TNKS: variants seen among roughly 807,000 people sequenced by gnomAD.
The protein encoded by TNKS is tankyrase, also known as poly [ADP-ribose] polymerase tankyrase-1.
In TNKS, 72 loss-of-function variants were observed where a neutral mutation model predicts 135.8. The ratio of observed to expected loss-of-function variants is 0.53; its 90% confidence interval spans 0.44 to 0.64. The LOEUF is 0.64. Ranked by LOEUF, TNKS falls within the 30% of genes least tolerant of loss-of-function variation. TNKS has a pLI of 0.00. For synonymous variants in TNKS, 849 were observed against 649.3 expected (o/e 1.31, Z -4.68); for missense variants, 1,769 against 1,674.0 (o/e 1.06, Z -0.99).
At chr8:9,653,635 C>T (rs1205926108) in intron 3 of TNKS, among the ~76,000 whole-genome samples, 1 of 152,040 alleles carries the variant, frequency 6.6e-6, no homozygotes, top group Non-Finnish European at 1.5e-5. Context: ...ACTTCTACTC[C>T]AATGAGAAAG....
chr8:9,717,806 G>A (rs1273452529), intron 11 of TNKS, among the ~76,000 whole-genome samples: 3 of 152,106 alleles, frequency 2.0e-5, no homozygotes, highest in African/African-American at 4.8e-5. Context: ...GAGAAGTATA[G>A]ATTGATTTAT....
chr8:9,665,008 T>A (rs577923317), intron 3 of TNKS, among the ~76,000 whole-genome samples: 3 of 152,392 alleles, frequency 2.0e-5, no homozygotes, highest in Admixed American at 2.0e-4. Context: ...AACTACATCG[T>A]ATAAGGATGT....
intron 11 of TNKS, among the ~76,000 whole-genome samples, chr8:9,716,448 A>G (rs946838473): frequency 6.6e-6 from 1 of 152,174 alleles, no homozygotes; most frequent in East Asian, 1.9e-4. Context: ...CTCAGTAACA[A>G]ACCAACTCAA....
At chr8:9,566,970 G>C (rs1308960914) in intron 1 of TNKS, among the ~76,000 whole-genome samples, 1 of 152,204 alleles carries the variant, frequency 6.6e-6, no homozygotes, top group African/African-American at 2.4e-5. Context: ...AATGGTGCCA[G>C]ATTTAAACCC....
At chr8:9,649,877 T>C (rs1191936917) in intron 3 of TNKS, among the ~76,000 whole-genome samples, 2 of 109,182 alleles carry the variant, frequency 1.8e-5, no homozygotes, top group East Asian at 5.7e-4. Flanking sequence ...TCTTTTCTTT[T>C]CTTTTTTTTT....
chr8:9,677,435 T>A (rs911700763), intron 3 of TNKS, among the ~76,000 whole-genome samples: 1 of 152,220 alleles, frequency 6.6e-6, no homozygotes. Context: ...TTGAGGTTCC[T>A]AAATACTTTG....
intron 3 of TNKS, among the ~76,000 whole-genome samples, chr8:9,648,971 T>G (rs567857614): frequency 8.5e-4 from 129 of 151,916 alleles, no homozygotes; most frequent in Non-Finnish European, 2.2e-4. Flanking sequence ...TGGGATAGGT[T>G]TAGGGTATAG....
At chr8:9,769,258 T>C (rs139384434) in intron 25 of TNKS, among the ~76,000 whole-genome samples, 1 of 152,236 alleles carries the variant, frequency 6.6e-6, no homozygotes, top group Non-Finnish European at 1.5e-5. Context: ...GATTGAGCCA[T>C]GGGCTATAGC....
At chr8:9,598,755 ATG>A (rs1220199241) in intron 2 of TNKS, among the ~76,000 whole-genome samples, 24 of 71,424 alleles carry the variant, frequency 3.4e-4, no homozygotes, top group South Asian at 2.0e-3. Context: ...ATATATGTAT[ATG>A]TGTGTGTGTA....
In TNKS at chr8:9,576,367, G is replaced by T. The variant is rs185093922; in HGVS notation, c.674-3792G>T. The stretch of plus-strand genomic sequence containing the variant: ...GTACAGGAAACATGGGTGGGAGGAG[G>T]CCTCAGGATATTTACAATCATGGCA... On this transcript the variant is annotated intron_variant, in intron 1 of 26. Coordinates refer to ENST00000310430, the MANE Select transcript of TNKS (RefSeq NM_003747.3). Among the ~76,000 whole-genome samples the T allele has an allele frequency of 2.9e-3, 445 of 152,146 alleles. 2 individuals carry two copies. The highest frequency in any genetic ancestry group is 6.8e-3 in the Middle Eastern group (2 of 294).
At chr8:9,665,958 C>T (rs1024184616) in intron 3 of TNKS, among the ~76,000 whole-genome samples, 1 of 152,128 alleles carries the variant, frequency 6.6e-6, no homozygotes, top group Non-Finnish European at 1.5e-5. Flanking sequence ...CTTCTCTCTT[C>T]TTCCTCCCCT....
intron 3 of TNKS, among the ~76,000 whole-genome samples, chr8:9,653,706 A>G (rs895725839): frequency 5.3e-5 from 8 of 152,156 alleles, no homozygotes; most frequent in Non-Finnish European, 1.0e-4. Context: ...GCATCATTAT[A>G]TTGCCAACTA....
intron 11 of TNKS, among the ~76,000 whole-genome samples, chr8:9,717,554 C>T (rs1804671290): frequency 6.6e-6 from 1 of 152,078 alleles, no homozygotes; most frequent in Admixed American, 6.6e-5. Context: ...GTTCAATATA[C>T]AGAACAGTAT....
chr8:9,767,937 C>G (rs1303136275), intron 25 of TNKS, among the ~76,000 whole-genome samples: 2 of 136,040 alleles, frequency 1.5e-5, no homozygotes, highest in Non-Finnish European at 1.5e-5. Context: ...CCAGCCTGGG[C>G]GACAGAGAGA....
At chr8:9,732,633 T>G (rs1325408809) in intron 14 of TNKS, among the ~76,000 whole-genome samples, 1 of 152,082 alleles carries the variant, frequency 6.6e-6, no homozygotes, top group East Asian at 1.9e-4. Context: ...TGTGTTAACT[T>G]CAACATTTTA....
At chr8:9,763,626 A>T (rs762608975) in intron 22 of TNKS, among the ~76,000 whole-genome samples, 5 of 152,204 alleles carry the variant, frequency 3.3e-5, no homozygotes, top group Non-Finnish European at 7.3e-5. Flanking sequence ...TTATGCAGTT[A>T]TAAATGTGAC....
rs1260404705 is a variant in TNKS at position 9,680,756 on chromosome 8, C to G, written c.1063C>G (p.Leu355Val). The G allele has an allele frequency of 6.2e-7, 1 of 1,612,242 alleles. No individual in the cohort carries two copies. Among genetic ancestry groups the G allele is most frequent in the Non-Finnish European group, 8.5e-7 (1 of 1,178,956 alleles). ...TAATGAAGAAAAACTAATGGCTTTA[C>G]TGACTCCTCTAAATGTGAATTGCCA... ...SGNEEKLMAL[L>V]TPLNVNCHAS... is the part of the protein sequence containing the mutation. The change falls in exon 5 of 27, where the codon CTG becomes GTG. Residue 355 changes from leucine (L) to valine (V), a missense_variant. Leu to Val is a conservative substitution (Grantham distance 32). Coordinates refer to ENST00000310430, the MANE Select transcript of TNKS (RefSeq NM_003747.3).
At chr8:9,708,549 A>G in intron 9 of TNKS, 57 bp downstream of exon 9, 1 of 1,376,562 alleles carries the variant, frequency 7.3e-7, no homozygotes, top group Non-Finnish European at 9.5e-7. Context: ...TAAGCACAAA[A>G]TATGATTTTC....
chr8:9,679,241 A>G (rs567895265), intron 3 of TNKS, among the ~76,000 whole-genome samples: 1 of 152,340 alleles, frequency 6.6e-6, no homozygotes, highest in Non-Finnish European at 1.5e-5. Context: ...ATTATATGTT[A>G]AAATTGGTAT....
Sources: allele counts gnomAD v4.1 joint callset (sites outside exome capture counted in the v4.1 genomes callset), GRCh38; gene constraint gnomAD v4.1.1; transcripts MANE v1.5; gene names NCBI Gene and HGNC (gene_info 2026-07-23, HGNC 2026-07-21).